The following NIM1K variants were observed in gnomAD, a reference collection of about 807,000 sequenced individuals.
NIM1K encodes serine/threonine-protein kinase NIM1.
NIM1K carries 35 observed loss-of-function variants against 37.1 expected under a neutral mutation model. The ratio of observed to expected loss-of-function variants is 0.94; its 90% CI spans 0.72 to 1.25. The LOEUF is 1.25. NIM1K is among the 50% of genes most tolerant of loss of function. The probability of loss-of-function intolerance (pLI) is 0.00; values close to 1 mark genes in which losing one functional copy is unlikely to be tolerated. For synonymous variants in NIM1K, 234 were observed against 206.6 expected, an observed-to-expected ratio of 1.13 and a Z score of -1.14; for missense variants, 564 against 548.0, an observed-to-expected ratio of 1.03 and a Z score of -0.29.
intron 1 of NIM1K, among the ~76,000 whole-genome samples, chr5:43,205,905 G>T (rs1418770454): frequency 6.6e-6 from 1 of 152,054 alleles, no homozygotes; most frequent in South Asian, 2.1e-4. Flanking sequence ...GTAGAGACGG[G>T]GTTTTACTGT....
chr5:43,277,771 C>T (rs1376834105), intron 3 of NIM1K, among the ~76,000 whole-genome samples: 1 of 148,738 alleles, frequency 6.7e-6, no homozygotes, highest in Non-Finnish European at 1.5e-5. Context: ...TCCCCCACCC[C>T]CCCTCTCCGT....
intron 2 of NIM1K, among the ~76,000 whole-genome samples, chr5:43,252,365 G>C (rs539676604): frequency 6.6e-6 from 1 of 152,184 alleles, no homozygotes; most frequent in South Asian, 2.1e-4. Flanking sequence ...CTCACCCGCT[G>C]GTTCTGGGAC....
At chr5:43,250,215 A>G (rs1277240798) in intron 2 of NIM1K, among the ~76,000 whole-genome samples, 1 of 151,606 alleles carries the variant, frequency 6.6e-6, no homozygotes, top group Non-Finnish European at 1.5e-5. Context: ...ATGATTTTTC[A>G]ATGTCATTAA....
At chr5:43,239,151 G>A (rs1238617411) in intron 1 of NIM1K, among the ~76,000 whole-genome samples, 1 of 151,960 alleles carries the variant, frequency 6.6e-6, no homozygotes, top group African/African-American at 2.4e-5. Flanking sequence ...TGTCTGCAAA[G>A]TTGCTTATCA....
rs572869800 is a variant in NIM1K at position 43,249,387 on chromosome 5, C to T, written c.292+3320C>T. ...CCGGCCCTTACTCAGTCTTTTTGTT[C>T]TATTCAGGTCTTCAACTGAGAAAAC... On this transcript the variant is annotated intron_variant, in intron 2 of 3. Transcript: ENST00000326035. Among the ~76,000 whole-genome samples, 21 of 152,180 alleles carry T rather than the reference C, an allele frequency of 1.4e-4. No homozygotes were observed. The South Asian group carries it at 4.4e-3, about 32-fold the overall frequency.
At chr5:43,231,830 T>C in intron 1 of NIM1K, 1 of 1,224,210 alleles carries the variant, frequency 8.2e-7, no homozygotes, top group African/African-American at 1.5e-5. Flanking sequence ...CCTCTCTTTC[T>C]TCCTCACCTT....
At chr5:43,223,138 CAAAAAAAA>C (rs35802290) in intron 1 of NIM1K, among the ~76,000 whole-genome samples, 11 of 85,784 alleles carry the variant, frequency 1.3e-4, no homozygotes, top group African/African-American at 4.6e-4. Context: ...GACTCCATCT[CAAAAAAAA>C]AAAAAAAAAA....
At chr5:43,223,674 T>G (rs1045507244) in intron 1 of NIM1K, among the ~76,000 whole-genome samples, 1 of 152,202 alleles carries the variant, frequency 6.6e-6, no homozygotes, top group Non-Finnish European at 1.5e-5. Flanking sequence ...TTTCTGCCTT[T>G]GAAAAATCAG....
intron 1 of NIM1K, among the ~76,000 whole-genome samples, chr5:43,205,006 G>A (rs1032492805): frequency 4.6e-5 from 7 of 151,940 alleles, no homozygotes; most frequent in Non-Finnish European, 1.0e-4. Flanking sequence ...AAAAAAACAC[G>A]AACAACAACA....
At chr5:43,229,213 C>T (rs1244824201) in intron 1 of NIM1K, among the ~76,000 whole-genome samples, 2 of 151,822 alleles carry the variant, frequency 1.3e-5, no homozygotes, top group Admixed American at 6.6e-5. Context: ...GGCAAAACCC[C>T]GTCTCTACTA....
intron 2 of NIM1K, among the ~76,000 whole-genome samples, chr5:43,257,671 G>T (rs1428238574): frequency 6.6e-6 from 1 of 152,010 alleles, no homozygotes; most frequent in African/African-American, 2.4e-5. Flanking sequence ...CTTTAAAGGG[G>T]TTTTACTATA....
intron 3 of NIM1K, among the ~76,000 whole-genome samples, chr5:43,278,764 C>T (rs553866808): frequency 6.6e-6 from 1 of 152,060 alleles, no homozygotes; most frequent in Non-Finnish European, 1.5e-5. Flanking sequence ...GGAGAATTTG[C>T]AAGGGAATCT....
Position 43,276,332 on chromosome 5 carries a change from G to A in NIM1K, c.293-725G>A, listed in dbSNP as rs184841154. The stretch of plus-strand genomic sequence containing the variant: ...TGGAAGGTGGAAGGCACATCACACT[G>A]TGAAAGCAGGAGCAAGAGTTGGGGG... On this transcript the variant is annotated intron_variant, in intron 2 of 3. Coordinates refer to ENST00000326035, the MANE Select transcript of NIM1K (RefSeq NM_153361.4). Among the ~76,000 whole-genome samples the A allele has an allele frequency of 3.9e-5, 6 of 152,366 alleles. 1 individual carries two copies. The highest frequency in any genetic ancestry group is 3.3e-4 in the Admixed American group (5 of 15,304).
intron 1 of NIM1K, among the ~76,000 whole-genome samples, chr5:43,211,780 G>T (rs1752208540): frequency 6.6e-6 from 1 of 152,164 alleles, no homozygotes; most frequent in Admixed American, 6.5e-5. Context: ...TTTTAAGCAG[G>T]ACAGTACTGT....
chr5:43,222,725 C>T (rs192700553), intron 1 of NIM1K, among the ~76,000 whole-genome samples: 2 of 151,456 alleles, frequency 1.3e-5, no homozygotes, highest in East Asian at 3.9e-4. Flanking sequence ...CAGAGTGAGC[C>T]TGTCCCTTAA....
chr5:43,194,149 G>A (rs957296186), intron 1 of NIM1K, among the ~76,000 whole-genome samples: 1 of 152,158 alleles, frequency 6.6e-6, no homozygotes, highest in Non-Finnish European at 1.5e-5. Context: ...AGAGGAGGGT[G>A]TTAGATGTTC....
chr5:43,210,473 T>A (rs1752187317), intron 1 of NIM1K, among the ~76,000 whole-genome samples: 1 of 152,048 alleles, frequency 6.6e-6, no homozygotes, highest in Non-Finnish European at 1.5e-5. Flanking sequence ...GATGTGCACA[T>A]AAAAACTTAT....
chr5:43,201,803 A>G (rs2112203611), intron 1 of NIM1K, among the ~76,000 whole-genome samples: 1 of 152,000 alleles, frequency 6.6e-6, no homozygotes, highest in South Asian at 2.1e-4. Context: ...TACTAAAAAT[A>G]CAAAAATTAG....
intron 1 of NIM1K, chr5:43,232,394 A>G: frequency 7.0e-7 from 1 of 1,425,358 alleles, no homozygotes; most frequent in East Asian, 2.3e-5. Flanking sequence ...GGGATAGGCC[A>G]CCAGCTTGGT....
Sources: gnomAD v4.1 joint callset for allele counts (sites outside exome capture counted in the v4.1 genomes callset) on GRCh38, gnomAD v4.1.1 for gene constraint, MANE v1.5 for transcripts, NCBI Gene and HGNC (gene_info 2026-07-23, HGNC 2026-07-21) for gene names.